Variants in CEP162 observed in about 807,000 individuals in gnomAD.
CEP162 encodes centrosomal protein of 162 kDa.
CEP162 carries 141 observed loss-of-function variants against 169.2 expected under a neutral mutation model. The ratio of observed to expected loss-of-function variants is 0.83; its 90% CI spans 0.73 to 0.96. The LOEUF is 0.96. CEP162 is among the 40% of genes least tolerant of loss of function. The pLI, the probability that CEP162 is intolerant of heterozygous loss-of-function variation, is 0.00. For synonymous variants in CEP162, 540 were observed against 526.4 expected, an observed-to-expected ratio of 1.03 and a Z score of -0.35; for missense variants, 1,600 against 1,587.2, an observed-to-expected ratio of 1.01 and a Z score of -0.14.
intron 13 of CEP162, among the ~76,000 whole-genome samples, chr6:84,180,216 G>A (rs555660787): frequency 2.7e-4 from 41 of 152,146 alleles, no homozygotes; most frequent in African/African-American, 9.9e-4. Context: ...ACGCAATCCA[G>A]CATATAAACA....
intron 13 of CEP162, among the ~76,000 whole-genome samples, chr6:84,181,635 A>G (rs764810429): frequency 6.6e-5 from 10 of 152,164 alleles, no homozygotes; most frequent in Non-Finnish European, 1.5e-4. Context: ...ATAGCAATGC[A>G]TAAGAAAATT....
At chr6:84,226,180 G>C (rs2099555663) in intron 2 of CEP162, among the ~76,000 whole-genome samples, 157 bp downstream of exon 2, 1 of 152,114 alleles carries the variant, frequency 6.6e-6, no homozygotes, top group Admixed American at 6.5e-5. Flanking sequence ...TGAGATGATG[G>C]CACTGAACTA....
intron 9 of CEP162, among the ~76,000 whole-genome samples, chr6:84,198,345 T>C (rs2099543013): frequency 6.6e-6 from 1 of 152,140 alleles, no homozygotes; most frequent in Admixed American, 6.5e-5. Context: ...TGGCATGAAC[T>C]TGGCTCACTG....
At chr6:84,199,174 G>A (rs1240311855) in intron 9 of CEP162, among the ~76,000 whole-genome samples, 4 of 152,220 alleles carry the variant, frequency 2.6e-5, no homozygotes, top group African/African-American at 9.6e-5. Flanking sequence ...ATCAAAGCAC[G>A]TATGTGACAC....
At chr6:84,171,530 T>G (rs1191649949) in intron 17 of CEP162, 76 bp downstream of exon 17, 2 of 508,316 alleles carry the variant, frequency 3.9e-6, no homozygotes, top group African/African-American at 4.0e-5. Flanking sequence ...TAAAAATAAA[T>G]GTATTATTAA....
At chr6:84,171,953 C>A (rs2099530303) in intron 16 of CEP162, among the ~76,000 whole-genome samples, 1 of 151,992 alleles carries the variant, frequency 6.6e-6, no homozygotes, top group African/African-American at 2.4e-5. Context: ...TTGCAAAATT[C>A]CCAAAGCCAA....
chr6:84,163,163 A>G lies in CEP162; in HGVS notation c.2493T>C (p.Asp831=). ...KMKKERDQAK[D]QIAYVTGEKL... ...TTTTACCTGTGACATAAGCAATCTG[A>G]TCTTTGGCTTGGTCCCTCTCTTTCT... The change falls in exon 19 of 27, where the codon GAT becomes GAC. Residue 831 remains aspartate, a synonymous_variant. Coordinates refer to ENST00000403245, the MANE Select transcript of CEP162 (RefSeq NM_014895.4). 1 of 1,613,410 alleles carries G rather than the reference A, an allele frequency of 6.2e-7. No homozygotes were observed. The highest frequency in any genetic ancestry group is 8.5e-7 in the Non-Finnish European group (1 of 1,179,574).
chr6:84,126,401 G>A lies in CEP162; in HGVS notation c.3982C>T (p.Gln1328Ter), dbSNP rs1588681349. 1 of 1,602,518 alleles carries A rather than the reference G, an allele frequency of 6.2e-7. No individual in the cohort carries two copies. Among genetic ancestry groups the A allele is most frequent in the East Asian group, 2.3e-5 (1 of 44,418 alleles). The stretch of plus-strand genomic sequence containing the variant: ...ACCTGTTGAAGTTCCTGTTCTCTTT[G>A]TGCATGTCTCATTTCCATCTGCTTA... ...KIKQMEMRHA[Q>*]REQELQQIIQ... The change falls in exon 26 of 27, where the codon CAA becomes TAA. Residue 1328 changes from glutamine to a stop codon, truncating the protein, a stop_gained. Transcript: ENST00000403245. LOFTEE classifies it high-confidence loss of function.
At chr6:84,154,371 TCTATCTAC>T (rs1374733786) in intron 22 of CEP162, among the ~76,000 whole-genome samples, 212 of 138,426 alleles carry the variant, frequency 1.5e-3, no homozygotes, top group Middle Eastern at 7.8e-3. Context: ...TATCTATCTA[TCTATCTAC>T]CTATCTATCT....
chr6:84,134,208 C>T (rs1432945723), intron 25 of CEP162, among the ~76,000 whole-genome samples: 1 of 152,184 alleles, frequency 6.6e-6, no homozygotes, highest in Non-Finnish European at 1.5e-5. Flanking sequence ...GCCACTCCCC[C>T]CACCAAGCTT....
chr6:84,176,433 T>G (rs962107341), intron 13 of CEP162, among the ~76,000 whole-genome samples: 1 of 152,192 alleles, frequency 6.6e-6, no homozygotes, highest in East Asian at 1.9e-4. Context: ...TTTTAAGTCA[T>G]TGTAAGAGCA....
At position 84,202,158 on chromosome 6, in the gene CEP162, A is replaced by G. The variant is rs529701679; in HGVS notation, c.688-391T>C. Among the ~76,000 whole-genome samples, 4 of 152,286 alleles carry G rather than the reference A, an allele frequency of 2.6e-5. No homozygotes were observed. The South Asian group carries it at 8.3e-4, about 32-fold the overall frequency. ...TAGCATTACCAGTCTATTTTCCCTT[A>G]CTGTTCAAAATTAATGACTAAATCT... On this transcript the variant is annotated intron_variant, in intron 7 of 26. Coordinates refer to ENST00000403245, the MANE Select transcript of CEP162 (RefSeq NM_014895.4).
chr6:84,215,759 T>C lies in CEP162; in HGVS notation c.319+17A>G, dbSNP rs1181959079. ...ACAATTAATAATTTACCAACTCATATCCCTTGCATTTCTTACCATTTGTTT... is the reference window on the plus strand; with the variant it reads ...ACAATTAATAATTTACCAACTCATACCCCTTGCATTTCTTACCATTTGTTT... On this transcript the variant is annotated intron_variant, in intron 4 of 26. Transcript: ENST00000403245. 3 of 1,571,756 alleles carry C rather than the reference T, an allele frequency of 1.9e-6. No homozygotes were observed. The highest frequency in any genetic ancestry group is 2.6e-6 in the Non-Finnish European group (3 of 1,156,448).
intron 9 of CEP162, among the ~76,000 whole-genome samples, chr6:84,197,251 GA>G (rs796931000): frequency 4.2e-4 from 60 of 141,500 alleles, no homozygotes; most frequent in Non-Finnish European, 3.7e-4. Context: ...ATGAGAAATG[GA>G]AAAAAAAAAA....
chr6:84,165,573 T>C (rs776718573), intron 18 of CEP162, among the ~76,000 whole-genome samples: 45 of 152,144 alleles, frequency 3.0e-4, no homozygotes, highest in Non-Finnish European at 6.2e-4. Context: ...TTCTCTTTAT[T>C]AGGCTGAAGG....
intron 9 of CEP162, among the ~76,000 whole-genome samples, chr6:84,197,755 T>A (rs752918228): frequency 3.4e-5 from 5 of 148,256 alleles, no homozygotes; most frequent in Admixed American, 1.4e-4. Context: ...AGGTGGAGAC[T>A]GCAGTGAGCG....
intron 17 of CEP162, 120 bp downstream of exon 17, chr6:84,171,486 G>T: frequency 2.2e-6 from 1 of 450,688 alleles, no homozygotes; most frequent in Non-Finnish European, 3.8e-6. Flanking sequence ...TTGGAAATGT[G>T]TACAAATAAA....
intron 9 of CEP162, among the ~76,000 whole-genome samples, chr6:84,195,491 C>T (rs988628337): frequency 2.6e-5 from 4 of 152,230 alleles, no homozygotes; most frequent in African/African-American, 9.6e-5. Flanking sequence ...ACTCCTCCAA[C>T]TTTGCAATCC....
At chr6:84,194,286 C>T (rs1038872254) in intron 10 of CEP162, among the ~76,000 whole-genome samples, 2 of 148,694 alleles carry the variant, frequency 1.3e-5, no homozygotes, top group East Asian at 2.0e-4. Flanking sequence ...ACCAGGGTGG[C>T]GGAGGCTGCT....
Sources: gnomAD v4.1 joint callset for allele counts (sites outside exome capture counted in the v4.1 genomes callset) on GRCh38, gnomAD v4.1.1 for gene constraint, MANE v1.5 for transcripts, NCBI Gene and HGNC (gene_info 2026-07-23, HGNC 2026-07-21) for gene names.